The following ZHX2 variants were observed in gnomAD, a reference collection of about 807,000 sequenced individuals.
ZHX2 encodes the protein zinc fingers and homeoboxes 2.
Under a neutral mutation model 21.9 loss-of-function variants are expected in ZHX2, and 6 were observed. The observed-to-expected ratio is 0.27, with a 90% CI of 0.15 to 0.54. ZHX2 has a LOEUF of 0.54. Ranked by LOEUF, ZHX2 falls within the 20% of genes least tolerant of loss-of-function variation. The pLI is 0.95. For synonymous variants in ZHX2, 434 were observed against 437.1 expected (o/e 0.99, Z 0.09); for missense variants, 908 against 1,090.7 (o/e 0.83, Z 2.36).
chr8:122,851,674 A>C (rs1427452142), intron 1 of ZHX2, among the ~76,000 whole-genome samples: 3 of 152,248 alleles, frequency 2.0e-5, no homozygotes, highest in African/African-American at 7.2e-5. Flanking sequence ...CTGGGCCAGG[A>C]ACTGGCTTTG....
At chr8:122,939,425 G>T (rs939462684) in intron 2 of ZHX2, among the ~76,000 whole-genome samples, 2 of 152,188 alleles carry the variant, frequency 1.3e-5, no homozygotes, top group Non-Finnish European at 2.9e-5. Flanking sequence ...TTTCATGTTT[G>T]CTTTGCTTTG....
intron 1 of ZHX2, among the ~76,000 whole-genome samples, chr8:122,821,134 C>G (rs1428816607): frequency 1.3e-5 from 2 of 152,214 alleles, no homozygotes; most frequent in Non-Finnish European, 2.9e-5. Flanking sequence ...CTCGCGAATT[C>G]TAGATTCTGG....
At chr8:122,889,153 A>T (rs1472771214) in intron 2 of ZHX2, among the ~76,000 whole-genome samples, 2 of 152,208 alleles carry the variant, frequency 1.3e-5, no homozygotes, top group Non-Finnish European at 2.9e-5. Context: ...TTGATTTCAT[A>T]TCTCAGCTAT....
intron 2 of ZHX2, among the ~76,000 whole-genome samples, chr8:122,911,861 G>C (rs1026622274): frequency 3.9e-5 from 6 of 152,170 alleles, no homozygotes; most frequent in African/African-American, 1.4e-4. Context: ...GAGATGAGAG[G>C]GGTTGCAGGT....
chr8:122,865,376 C>T (rs1386062852), intron 2 of ZHX2, among the ~76,000 whole-genome samples: 1 of 152,194 alleles, frequency 6.6e-6, no homozygotes, highest in Non-Finnish European at 1.5e-5. Flanking sequence ...GATCCGCCCG[C>T]CTCAGCCTTC....
At chr8:122,809,458 C>A (rs1675313077) in intron 1 of ZHX2, among the ~76,000 whole-genome samples, 1 of 151,812 alleles carries the variant, frequency 6.6e-6, no homozygotes, top group Non-Finnish European at 1.5e-5. Context: ...TGAGGTTGCA[C>A]CACTGCACTC....
chr8:122,886,203 A>G (rs950716943), intron 2 of ZHX2, among the ~76,000 whole-genome samples: 1 of 152,218 alleles, frequency 6.6e-6, no homozygotes, highest in Non-Finnish European at 1.5e-5. Context: ...TTCAATGCAT[A>G]TTGCTAAGTG....
intron 2 of ZHX2, among the ~76,000 whole-genome samples, chr8:122,933,611 TAAG>T (rs1314703059): frequency 6.6e-6 from 1 of 151,836 alleles, no homozygotes; most frequent in African/African-American, 2.4e-5. Context: ...ACAGAAAAAA[TAAG>T]AAAGCCGCTA....
chr8:122,858,447 G>A (rs1053887333), intron 1 of ZHX2, among the ~76,000 whole-genome samples: 7 of 152,064 alleles, frequency 4.6e-5, no homozygotes, highest in African/African-American at 1.7e-4. Flanking sequence ...AGGCCAAAAG[G>A]GAATATGCGG....
chr8:122,868,683 A>G (rs1819356829), intron 2 of ZHX2, among the ~76,000 whole-genome samples: 1 of 138,094 alleles, frequency 7.2e-6, no homozygotes, highest in Non-Finnish European at 1.5e-5. Flanking sequence ...CCTGGGTGGC[A>G]GAGCAAGACT....
At chr8:122,909,805 C>A (rs928719462) in intron 2 of ZHX2, among the ~76,000 whole-genome samples, 2 of 152,152 alleles carry the variant, frequency 1.3e-5, no homozygotes, top group African/African-American at 4.8e-5. Flanking sequence ...GGGCTTCACT[C>A]CCTCCCATCC....
intron 2 of ZHX2, among the ~76,000 whole-genome samples, chr8:122,936,580 T>C (rs946650685): frequency 1.3e-5 from 2 of 152,200 alleles, no homozygotes; most frequent in Non-Finnish European, 1.5e-5. Flanking sequence ...GCGAGGAGGC[T>C]GGCCTGAAAC....
At chr8:122,787,088 GGTGT>G (rs35726514) in intron 1 of ZHX2, among the ~76,000 whole-genome samples, 7 of 148,554 alleles carry the variant, frequency 4.7e-5, no homozygotes, top group South Asian at 2.1e-4. Context: ...GATTGGCAGT[GGTGT>G]GTGTGTGTGT....
At chr8:122,947,265 T>TAA (rs61243571) in intron 2 of ZHX2, among the ~76,000 whole-genome samples, 3,793 of 141,948 alleles carry the variant, frequency 0.027, 57 homozygotes, top group Middle Eastern at 0.049. Flanking sequence ...ACCCCATCTC[T>TAA]AAAAAAAAAA....
rs952252939 is a variant in ZHX2 at position 122,953,478 on chromosome 8, G to C, written c.1968G>C (p.Gln656His). The C allele has an allele frequency of 1.2e-6, 2 of 1,614,098 alleles. No homozygotes were observed. The highest frequency in any genetic ancestry group is 1.7e-6 in the Non-Finnish European group (2 of 1,180,054). ...CAAGAACCCAGTGGCCTACTCCCCAGGAGTACGACCAGTTAGCGGCCAAGA... is the reference window on the plus strand; with the variant it reads ...CAAGAACCCAGTGGCCTACTCCCCACGAGTACGACCAGTTAGCGGCCAAGA... ...TFARTQWPTP[Q>H]EYDQLAAKTG... Residue 656 changes from glutamine (Q) to histidine (H), a missense_variant, in exon 3 of 4, where the codon CAG (glutamine) becomes CAC (histidine). Transcript: ENST00000314393. The surrounding 1 kb of genome is among the most constrained non-coding windows in gnomAD (Gnocchi z 4.6).
chr8:122,836,121 C>T (rs1294624064), intron 1 of ZHX2, among the ~76,000 whole-genome samples: 1 of 152,118 alleles, frequency 6.6e-6, no homozygotes, highest in Non-Finnish European at 1.5e-5. Flanking sequence ...GTCACTGCTG[C>T]CATTTTCGTT....
chr8:122,950,335 A>C (rs1813078416), intron 2 of ZHX2, among the ~76,000 whole-genome samples: 1 of 152,188 alleles, frequency 6.6e-6, no homozygotes. Flanking sequence ...AGAAAACCAA[A>C]CACCACATGT....
intron 2 of ZHX2, among the ~76,000 whole-genome samples, chr8:122,892,518 T>TAA (rs1379150679): frequency 3.3e-5 from 5 of 152,164 alleles, no homozygotes; most frequent in Admixed American, 3.3e-4. Context: ...CCTCTCTTAT[T>TAA]GTTTATCTTT....
intron 2 of ZHX2, among the ~76,000 whole-genome samples, chr8:122,913,862 G>T (rs1399706346): frequency 6.6e-5 from 10 of 152,160 alleles, no homozygotes; most frequent in Non-Finnish European, 1.5e-4. Context: ...TGATAGAGAG[G>T]GGGATGTGTA....
Sources: gnomAD v4.1 joint callset for allele counts (sites outside exome capture counted in the v4.1 genomes callset) on GRCh38, gnomAD v4.1.1 for gene constraint, Gnocchi (gnomAD v3.1) non-coding constraint, MANE v1.5 for transcripts, NCBI Gene and HGNC (gene_info 2026-07-23, HGNC 2026-07-21) for gene names.